Variants in SLC24A2 observed in about 807,000 individuals in gnomAD.
SLC24A2 encodes the protein solute carrier family 24 member 2, also known as sodium/potassium/calcium exchanger 2.
A neutral mutation model predicts 62.0 loss-of-function variants in SLC24A2; 36 were observed. That is an observed-to-expected ratio of 0.58 (90% CI 0.44 to 0.77). The LOEUF is 0.77. Ranked by LOEUF, SLC24A2 falls within the 30% of genes least tolerant of loss-of-function variation. SLC24A2 has a pLI of 0.00. For missense variants in SLC24A2, 846 were observed against 817.9 expected (o/e 1.03, Z -0.42); for synonymous variants, 358 against 294.0 (o/e 1.22, Z -2.23).
At chr9:19,956,952 T>C in the SLC24A2 span, among the ~76,000 whole-genome samples, 1 of 152,170 alleles carries the variant, frequency 6.6e-6, no homozygotes, top group African/African-American at 2.4e-5. Flanking sequence ...AGACACTGCA[T>C]CTGTGGAGGC....
the SLC24A2 span, among the ~76,000 whole-genome samples, chr9:19,861,953 A>G: frequency 6.6e-6 from 1 of 152,196 alleles, no homozygotes; most frequent in East Asian, 1.9e-4. Context: ...GATCTAGAGA[A>G]TAGCTTCAAA....
At chr9:19,598,135 C>T (rs1836751940) in intron 4 of SLC24A2, among the ~76,000 whole-genome samples, 1 of 152,208 alleles carries the variant, frequency 6.6e-6, no homozygotes, top group African/African-American at 2.4e-5. Flanking sequence ...TTTAAAATAG[C>T]AACTTTTATC....
intron 5 of SLC24A2, among the ~76,000 whole-genome samples, chr9:19,588,267 A>T (rs1329333680): frequency 2.7e-5 from 4 of 148,404 alleles, no homozygotes; most frequent in Non-Finnish European, 5.9e-5. Flanking sequence ...TGAAAGTTTG[A>T]ACTGTATGAG....
At chr9:19,950,653 A>T in the SLC24A2 span, among the ~76,000 whole-genome samples, 1 of 152,286 alleles carries the variant, frequency 6.6e-6, no homozygotes, top group South Asian at 2.1e-4. Context: ...GGTACTTGGG[A>T]TGTATCAGTA....
chr9:19,690,893 G>A (rs1820024063), intron 2 of SLC24A2, among the ~76,000 whole-genome samples: 1 of 150,370 alleles, frequency 6.7e-6, no homozygotes, highest in Non-Finnish European at 1.5e-5. Flanking sequence ...CCACCACTAA[G>A]GGAGGCGTAT....
the SLC24A2 span, among the ~76,000 whole-genome samples, chr9:19,881,592 C>T: frequency 1.4e-4 from 22 of 152,210 alleles, no homozygotes; most frequent in East Asian, 9.6e-4. Context: ...TGAGACTGTC[C>T]GAGGGCACAG....
At chr9:19,658,226 T>G (rs902481673) in intron 2 of SLC24A2, among the ~76,000 whole-genome samples, 1 of 152,252 alleles carries the variant, frequency 6.6e-6, no homozygotes, top group African/African-American at 2.4e-5. Flanking sequence ...ATTTACGTAT[T>G]TGTATCCATT....
the SLC24A2 span, among the ~76,000 whole-genome samples, chr9:20,306,344 A>AGCCTTGGGCTT: frequency 1.3e-5 from 2 of 152,256 alleles, no homozygotes; most frequent in Non-Finnish European, 2.9e-5. Context: ...ACAACAAAAA[A>AGCCTTGGGCTT]TGCAAGGCAA....
At chr9:19,972,417 T>A in the SLC24A2 span, among the ~76,000 whole-genome samples, 14 of 152,322 alleles carry the variant, frequency 9.2e-5, no homozygotes, top group East Asian at 2.7e-3. Flanking sequence ...TTATGTTTTG[T>A]ATGTGCCAGG....
the SLC24A2 span, among the ~76,000 whole-genome samples, chr9:19,982,240 C>T: frequency 2.6e-5 from 4 of 152,294 alleles, no homozygotes; most frequent in East Asian, 7.7e-4. Context: ...TTGATTCATA[C>T]TGGAAATCAA....
intron 2 of SLC24A2, among the ~76,000 whole-genome samples, chr9:19,646,539 G>A (rs951096465): frequency 6.6e-5 from 10 of 152,138 alleles, no homozygotes; most frequent in African/African-American, 2.4e-4. Flanking sequence ...TGTAAGGGAC[G>A]GATCTGTGTG....
At chr9:20,186,380 C>A in the SLC24A2 span, among the ~76,000 whole-genome samples, 1 of 152,134 alleles carries the variant, frequency 6.6e-6, no homozygotes, top group Non-Finnish European at 1.5e-5. Context: ...CTAACCGGGG[C>A]CCTACTTACT....
intron 2 of SLC24A2, among the ~76,000 whole-genome samples, chr9:19,653,726 G>A (rs958916544): frequency 2.0e-5 from 3 of 152,118 alleles, no homozygotes; most frequent in Non-Finnish European, 4.4e-5. Context: ...CTGGCACAAT[G>A]CCTGGCATAT....
chr9:19,857,107 G>A, the SLC24A2 span, among the ~76,000 whole-genome samples: 373 of 152,328 alleles, frequency 2.4e-3, no homozygotes, highest in Non-Finnish European at 4.0e-3. Context: ...TAAGGTGGTG[G>A]TAGAACTAGT....
chr9:20,103,247 G>A, the SLC24A2 span, among the ~76,000 whole-genome samples: 1 of 152,216 alleles, frequency 6.6e-6, no homozygotes, highest in Non-Finnish European at 1.5e-5. Context: ...GCCTGCCTCT[G>A]TAAGCTCCAC....
At chr9:20,000,471 G>C in the SLC24A2 span, among the ~76,000 whole-genome samples, 4 of 151,050 alleles carry the variant, frequency 2.6e-5, no homozygotes, top group African/African-American at 9.7e-5. Flanking sequence ...CATTGTATAG[G>C]TATAAACTCT....
the SLC24A2 span, among the ~76,000 whole-genome samples, chr9:19,933,958 G>T: frequency 2.0e-5 from 3 of 152,108 alleles, no homozygotes; most frequent in African/African-American, 7.2e-5. Context: ...GTATGCTAGG[G>T]GTATGCAGGA....
the SLC24A2 span, among the ~76,000 whole-genome samples, chr9:19,863,721 G>A: frequency 6.6e-6 from 1 of 151,104 alleles, no homozygotes; most frequent in South Asian, 2.1e-4. Context: ...CATAAGGGAA[G>A]TTTATAGCTA....
chr9:19,735,301 A>T (rs2118736762), intron 2 of SLC24A2, among the ~76,000 whole-genome samples: 2 of 152,272 alleles, frequency 1.3e-5, no homozygotes, highest in Admixed American at 1.3e-4. Flanking sequence ...TCAAAACCAC[A>T]ACGAGATACC....
Sources: gnomAD v4.1 joint callset for allele counts (sites outside exome capture counted in the v4.1 genomes callset) on GRCh38, gnomAD v4.1.1 for gene constraint, MANE v1.5 for transcripts, NCBI Gene and HGNC (gene_info 2026-07-23, HGNC 2026-07-21) for gene names.